ELAPOR1: variants seen among roughly 807,000 people sequenced by gnomAD.
ELAPOR1 encodes the protein endosome/lysosome-associated apoptosis and autophagy regulator 1.
A neutral mutation model predicts 119.7 loss-of-function variants in ELAPOR1; 77 were observed. The ratio of observed to expected loss-of-function variants is 0.64; its 90% CI spans 0.54 to 0.78. ELAPOR1 has a LOEUF of 0.78. ELAPOR1 is among the 30% of genes least tolerant of loss of function. The probability of loss-of-function intolerance (pLI) is 0.00; values close to 1 mark genes in which losing one functional copy is unlikely to be tolerated. For synonymous variants in ELAPOR1, 481 were observed against 487.2 expected (o/e 0.99, Z 0.17); for missense variants, 1,115 against 1,270.4 (o/e 0.88, Z 1.86).
At position 109,189,199 on chromosome 1, in the gene ELAPOR1, T is replaced by C; in HGVS notation, c.1348+5T>C. 6.2e-7 allele frequency: 1 copy of C among 1,613,024 alleles called. No individual in the cohort carries two copies. The highest frequency in any genetic ancestry group is 1.1e-5 in the South Asian group (1 of 90,798). On this transcript the variant is annotated splice_donor_5th_base_variant and intron_variant, in intron 10 of 21. Transcript: ENST00000369939. ...TCGAGTACAAGGGCATGACAGGTAA[T>C]TGCCTCTCCCTGTGCCATGAGCTGT...
intron 1 of ELAPOR1, among the ~76,000 whole-genome samples, chr1:109,156,329 A>G (rs1165304533): frequency 1.3e-5 from 2 of 152,172 alleles, no homozygotes; most frequent in African/African-American, 4.8e-5. Flanking sequence ...TTGTGGTAAA[A>G]TACACATAAT....
At chr1:109,122,474 C>T (rs1235037266) in intron 1 of ELAPOR1, among the ~76,000 whole-genome samples, 4 of 151,108 alleles carry the variant, frequency 2.6e-5, no homozygotes, top group Non-Finnish European at 5.9e-5. Flanking sequence ...GCCTGGGCAA[C>T]ATAGCAAGAC....
At position 109,178,334 on chromosome 1, in the gene ELAPOR1, A is replaced by G. The variant is rs111517517; in HGVS notation, c.952+4497A>G. ...CCAGTGAGTTTTTACTATGAGGAAC[A>G]TGGTCAACTTGTTGACAACCTCACC... On this transcript the variant is annotated intron_variant, in intron 7 of 21. Coordinates refer to ENST00000369939, the MANE Select transcript of ELAPOR1 (RefSeq NM_020775.5). 1.2e-4 allele frequency among the ~76,000 whole-genome samples: 18 copies of G among 152,302 alleles called. No homozygotes were observed. The East Asian group carries it at 3.1e-3, about 26-fold the overall frequency.
chr1:109,157,884 T>C (rs1296576102), intron 1 of ELAPOR1, among the ~76,000 whole-genome samples: 1 of 152,182 alleles, frequency 6.6e-6, no homozygotes, highest in African/African-American at 2.4e-5. Context: ...CTCTAGTCTA[T>C]AAACAGTTCC....
At chr1:109,121,494 A>G (rs1024936075) in intron 1 of ELAPOR1, among the ~76,000 whole-genome samples, 4 of 152,182 alleles carry the variant, frequency 2.6e-5, no homozygotes, top group African/African-American at 9.7e-5. Flanking sequence ...ATTTTAAAAT[A>G]GTATTCAATA....
intron 1 of ELAPOR1, among the ~76,000 whole-genome samples, chr1:109,132,363 G>A (rs897496709): frequency 6.6e-6 from 1 of 152,090 alleles, no homozygotes; most frequent in Admixed American, 6.5e-5. Flanking sequence ...GGCCAGGCTG[G>A]TCTCGAAATC....
intron 1 of ELAPOR1, among the ~76,000 whole-genome samples, chr1:109,147,425 T>C (rs1293004090): frequency 6.6e-6 from 1 of 152,082 alleles, no homozygotes; most frequent in Admixed American, 6.6e-5. Context: ...GGATCATTGA[T>C]TGTCAAGGAT....
intron 1 of ELAPOR1, among the ~76,000 whole-genome samples, chr1:109,131,705 G>A (rs778243996): frequency 1.3e-5 from 2 of 152,154 alleles, no homozygotes; most frequent in Non-Finnish European, 2.9e-5. Flanking sequence ...AGGGCTTTGC[G>A]TTTGCAACTC....
Position 109,189,118 on chromosome 1 carries a change from A to G in ELAPOR1, c.1272A>G (p.Lys424=). 1 of 1,609,606 alleles carries G rather than the reference A, an allele frequency of 6.2e-7. No individual in the cohort carries two copies. ...AACCTGCTGTGGGATTTGAATACAA[A>G]TGGTGGAACACGCTGCCCACAAACA... ...GTEPAVGFEY[K]WWNTLPTNME... Residue 424 remains lysine (K), a synonymous_variant, in exon 10 of 22, where the codon AAA becomes AAG. Coordinates refer to ENST00000369939, the MANE Select transcript of ELAPOR1 (RefSeq NM_020775.5).
intron 1 of ELAPOR1, among the ~76,000 whole-genome samples, chr1:109,140,747 G>A (rs1649776556): frequency 6.6e-6 from 1 of 152,130 alleles, no homozygotes; most frequent in South Asian, 2.1e-4. Flanking sequence ...CAGAGCAAAA[G>A]GACAATGCTG....
intron 2 of ELAPOR1, among the ~76,000 whole-genome samples, chr1:109,162,699 T>C (rs1360617991): frequency 6.6e-6 from 1 of 152,258 alleles, no homozygotes; most frequent in Non-Finnish European, 1.5e-5. Context: ...TGAAGATATT[T>C]AAATTCTAAA....
chr1:109,188,410 G>C (rs1439939861), intron 9 of ELAPOR1, 56 bp downstream of exon 9: 4 of 1,552,800 alleles, frequency 2.6e-6, no homozygotes, highest in Non-Finnish European at 3.5e-6. Flanking sequence ...GGTGGGCTGT[G>C]TGGGCACTAA....
At chr1:109,180,904 G>A (rs939489010) in intron 7 of ELAPOR1, among the ~76,000 whole-genome samples, 16 of 152,054 alleles carry the variant, frequency 1.1e-4, no homozygotes, top group African/African-American at 3.9e-4. Context: ...GGTAGAGGCT[G>A]TACTGAGCTG....
chr1:109,174,205 CA>C (rs1445976817), intron 7 of ELAPOR1, among the ~76,000 whole-genome samples: 10 of 151,058 alleles, frequency 6.6e-5, no homozygotes, highest in Admixed American at 2.6e-4. Flanking sequence ...TTTATAGAGA[CA>C]GGGGTCTTGC....
intron 7 of ELAPOR1, among the ~76,000 whole-genome samples, chr1:109,180,483 G>A (rs940103373): frequency 7.0e-6 from 1 of 143,664 alleles, no homozygotes; most frequent in African/African-American, 2.6e-5. Flanking sequence ...TCCGGCCTGG[G>A]CATCAGAACA....
chr1:109,186,371 T>A (rs1653045910), intron 8 of ELAPOR1, among the ~76,000 whole-genome samples: 1 of 152,084 alleles, frequency 6.6e-6, no homozygotes, highest in African/African-American at 2.4e-5. Flanking sequence ...GAACTAGGAG[T>A]TGGGCATTCT....
At chr1:109,182,208 T>A (rs1249449300) in intron 7 of ELAPOR1, among the ~76,000 whole-genome samples, 1 of 152,090 alleles carries the variant, frequency 6.6e-6, no homozygotes, top group African/African-American at 2.4e-5. Flanking sequence ...TGCACACCTG[T>A]AATCCCAGCT....
chr1:109,155,301 G>T (rs1243660655), intron 1 of ELAPOR1, among the ~76,000 whole-genome samples: 1 of 152,026 alleles, frequency 6.6e-6, no homozygotes, highest in Non-Finnish European at 1.5e-5. Context: ...TCAGCCTCCT[G>T]AGTAGCTGGG....
intron 7 of ELAPOR1, among the ~76,000 whole-genome samples, chr1:109,177,087 T>C (rs929872038): frequency 4.1e-5 from 6 of 146,966 alleles, no homozygotes; most frequent in East Asian, 2.0e-4. Flanking sequence ...AAACCGCCAT[T>C]GTCATCATGG....
Sources: gnomAD v4.1 joint callset for allele counts (sites outside exome capture counted in the v4.1 genomes callset) on GRCh38, gnomAD v4.1.1 for gene constraint, MANE v1.5 for transcripts, NCBI Gene and HGNC (gene_info 2026-07-23, HGNC 2026-07-21) for gene names.